EPHA6: variants seen among roughly 807,000 people sequenced by gnomAD.
EPHA6 encodes ephrin type-A receptor 6.
EPHA6 carries 50 observed loss-of-function variants against 112.0 expected under a neutral mutation model. The ratio of observed to expected loss-of-function variants is 0.45; its 90% CI spans 0.36 to 0.56. The LOEUF is 0.56. EPHA6 is among the 20% of genes least tolerant of loss of function. The pLI is 0.00. For missense variants in EPHA6, 1,280 were observed against 1,417.4 expected (o/e 0.90, Z 1.56); for synonymous variants, 529 against 490.7 (o/e 1.08, Z -1.03).
At chr3:97,729,745 T>C (rs2034951444) in intron 15 of EPHA6, among the ~76,000 whole-genome samples, 1 of 151,978 alleles carries the variant, frequency 6.6e-6, no homozygotes. Context: ...ATCTTTATAT[T>C]GCACACCAGG....
chr3:96,879,382 T>C (rs1447851167), intron 2 of EPHA6, among the ~76,000 whole-genome samples: 1 of 152,032 alleles, frequency 6.6e-6, no homozygotes, highest in East Asian at 1.9e-4. Context: ...CTGCATGAAC[T>C]CATGTGCAGA....
Position 97,736,138 on chromosome 3 carries a change from G to C in EPHA6, c.3128+20G>C, listed in dbSNP as rs769873079. ...CCTTGTGTAAGAGGCATAATGTTGA[G>C]TTTTTTTCTTCTTGACAATTATGGT... On this transcript the variant is annotated intron_variant, in intron 16 of 17. Coordinates refer to ENST00000389672, the MANE Select transcript of EPHA6 (RefSeq NM_001080448.3). The C allele has an allele frequency of 6.3e-7, 1 of 1,580,486 alleles. No individual in the cohort carries two copies. The highest frequency in any genetic ancestry group is 1.4e-5 in the African/African-American group (1 of 74,044).
chr3:97,527,380 C>G (rs1481888414), intron 10 of EPHA6, among the ~76,000 whole-genome samples: 2 of 152,074 alleles, frequency 1.3e-5, no homozygotes, highest in African/African-American at 4.8e-5. Context: ...CAAGGGCTCC[C>G]ACAAAGAAAT....
At chr3:97,165,028 A>G (rs1359693531) in intron 3 of EPHA6, among the ~76,000 whole-genome samples, 1 of 152,034 alleles carries the variant, frequency 6.6e-6, no homozygotes, top group Non-Finnish European at 1.5e-5. Context: ...AATATGTAAG[A>G]CCCTCCACAT....
chr3:97,290,828 CA>C (rs1282839442), intron 5 of EPHA6, among the ~76,000 whole-genome samples: 2 of 150,950 alleles, frequency 1.3e-5, no homozygotes, highest in Admixed American at 6.6e-5. Flanking sequence ...TTTTTTTAAA[CA>C]AAAAAATAAC....
rs570835018 is a variant in EPHA6, at chr3:97,345,995, G to A, written c.1607-59155G>A. Among the ~76,000 whole-genome samples, 7 of 152,064 alleles carry A rather than the reference G, an allele frequency of 4.6e-5. No homozygotes were observed. In the South Asian group the frequency reaches 1.2e-3, roughly 27 times the overall value. On this transcript the variant is annotated intron_variant, in intron 5 of 17. Coordinates refer to ENST00000389672, the MANE Select transcript of EPHA6 (RefSeq NM_001080448.3). ...TGTCACAAAAATTTTATTGATAAAA[G>A]TTTGTCCCTTAATATACTGTGCAAA...
intron 7 of EPHA6, among the ~76,000 whole-genome samples, chr3:97,464,460 C>T (rs1409270692): frequency 2.0e-5 from 3 of 151,998 alleles, no homozygotes; most frequent in Admixed American, 2.0e-4. Context: ...TAGAGAAATC[C>T]TTCCACTATA....
chr3:97,002,776 A>G (rs1277762433), intron 3 of EPHA6, among the ~76,000 whole-genome samples: 1 of 152,094 alleles, frequency 6.6e-6, no homozygotes, highest in Non-Finnish European at 1.5e-5. Flanking sequence ...ATTTTTGTAT[A>G]AAATAACAAA....
intron 14 of EPHA6, among the ~76,000 whole-genome samples, chr3:97,672,333 G>A (rs906518051): frequency 2.7e-5 from 4 of 150,904 alleles, no homozygotes; most frequent in African/African-American, 7.4e-5. Flanking sequence ...TCTTTCTTTT[G>A]TCTTCTCTTT....
intron 3 of EPHA6, among the ~76,000 whole-genome samples, chr3:97,057,623 T>A (rs2108108691): frequency 6.6e-6 from 1 of 152,352 alleles, no homozygotes; most frequent in South Asian, 2.1e-4. Context: ...AGAGTTGTCT[T>A]ATTGAGAGAC....
chr3:96,888,234 G>A (rs367990555), intron 2 of EPHA6, among the ~76,000 whole-genome samples: 2 of 152,074 alleles, frequency 1.3e-5, no homozygotes, highest in Admixed American at 6.5e-5. Flanking sequence ...CCTGCTTGGC[G>A]ACCCAGCGAG....
chr3:97,346,172 T>C (rs2083523110), intron 5 of EPHA6, among the ~76,000 whole-genome samples: 1 of 152,140 alleles, frequency 6.6e-6, no homozygotes, highest in African/African-American at 2.4e-5. Context: ...GTAATCTTCC[T>C]AAAGTCCTTG....
At chr3:97,679,699 T>C (rs2031702198) in intron 14 of EPHA6, among the ~76,000 whole-genome samples, 1 of 152,298 alleles carries the variant, frequency 6.6e-6, no homozygotes, top group East Asian at 1.9e-4. Context: ...ACCTGTGGCA[T>C]GTACATAGCA....
In EPHA6 at chr3:97,756,536, G is replaced by C. The variant is rs1267807795; in HGVS notation, c.*7835G>C. Among the ~76,000 whole-genome samples, 1 of 151,876 alleles carries C rather than the reference G, an allele frequency of 6.6e-6. No individual in the cohort carries two copies. The highest frequency in any genetic ancestry group is 2.4e-5 in the African/African-American group (1 of 41,418). ...TTAATGTGTATAAATGTTTGTCATTGAAGTTTGGAATTTATTTTAATGTAC... is the reference window on the plus strand; with the variant it reads ...TTAATGTGTATAAATGTTTGTCATTCAAGTTTGGAATTTATTTTAATGTAC... On this transcript the variant is annotated 3_prime_UTR_variant, in exon 18 of 18. Transcript: ENST00000389672.
intron 11 of EPHA6, among the ~76,000 whole-genome samples, chr3:97,539,023 C>CTTTCTTTCTTTCTTTCTT: frequency 6.7e-6 from 1 of 148,494 alleles, no homozygotes; most frequent in South Asian, 2.1e-4. Flanking sequence ...TTCTTTCTTT[C>CTTTCTTTCTTTCTTTCTT]TTTCTTTCTT....
At chr3:97,309,254 C>T (rs1049455416) in intron 5 of EPHA6, among the ~76,000 whole-genome samples, 3 of 151,412 alleles carry the variant, frequency 2.0e-5, no homozygotes, top group Non-Finnish European at 3.0e-5. Flanking sequence ...AGTTATTTTT[C>T]CCCCAACACT....
At chr3:97,545,990 G>T (rs1237472264) in intron 11 of EPHA6, among the ~76,000 whole-genome samples, 3 of 152,140 alleles carry the variant, frequency 2.0e-5, no homozygotes, top group Non-Finnish European at 4.4e-5. Context: ...CCTGAATACA[G>T]CACACTGATG....
chr3:97,414,163 G>A (rs1577304006), intron 6 of EPHA6, among the ~76,000 whole-genome samples: 5 of 151,942 alleles, frequency 3.3e-5, no homozygotes, highest in South Asian at 4.2e-4. Context: ...TCTGATATAG[G>A]GTTGAGTTTT....
intron 1 of EPHA6, among the ~76,000 whole-genome samples, chr3:96,843,658 G>A (rs1027071810): frequency 6.6e-6 from 1 of 151,976 alleles, no homozygotes; most frequent in Non-Finnish European, 1.5e-5. Context: ...GGATCGTGTT[G>A]GAGCGAGGAG....
Sources: gnomAD v4.1 joint callset for allele counts (sites outside exome capture counted in the v4.1 genomes callset) on GRCh38, gnomAD v4.1.1 for gene constraint, MANE v1.5 for transcripts, NCBI Gene and HGNC (gene_info 2026-07-23, HGNC 2026-07-21) for gene names.